KCNT2: variants seen among roughly 807,000 people sequenced by gnomAD.
KCNT2 encodes the protein potassium sodium-activated channel subfamily T member 2.
KCNT2 carries 67 observed loss-of-function variants against 153.8 expected under a neutral mutation model. The observed-to-expected ratio is 0.44, with a 90% confidence interval of 0.36 to 0.53. The LOEUF (loss-of-function observed/expected upper bound fraction) is 0.53. Among genes scored for constraint, KCNT2 ranks in the 20% least tolerant of loss-of-function variants. The probability of loss-of-function intolerance (pLI) is 0.00; values close to 1 mark genes in which losing one functional copy is unlikely to be tolerated. For missense variants in KCNT2, 975 were observed against 1,354.8 expected (o/e 0.72, Z 4.40); for synonymous variants, 500 against 458.8 (o/e 1.09, Z -1.15).
At chr1:196,543,277 A>G (rs1481101069) in intron 1 of KCNT2, among the ~76,000 whole-genome samples, 1 of 152,148 alleles carries the variant, frequency 6.6e-6, no homozygotes, top group African/African-American at 2.4e-5. Context: ...ATCTTAGAGA[A>G]TTAACATTTT....
chr1:196,585,898 C>A (rs1662621017), intron 1 of KCNT2, among the ~76,000 whole-genome samples: 1 of 152,048 alleles, frequency 6.6e-6, no homozygotes, highest in Non-Finnish European at 1.5e-5. Context: ...AGGCAATAAA[C>A]ATAAATGAAA....
intron 26 of KCNT2, among the ~76,000 whole-genome samples, chr1:196,243,199 A>G (rs1016341812): frequency 2.0e-5 from 3 of 152,142 alleles, no homozygotes; most frequent in Admixed American, 6.5e-5. Context: ...GCATGAATCT[A>G]CTTTGATACT....
At chr1:196,596,056 GTATATATATATATATATATATATATA>G (rs1174131733) in intron 1 of KCNT2, among the ~76,000 whole-genome samples, 7 of 4,346 alleles carry the variant, frequency 1.6e-3, no homozygotes, top group East Asian at 0.022. Context: ...TCCATGATGT[GTATATATATATATATATATATATATA>G]TATATATATA....
At chr1:196,586,124 C>A (rs955416996) in intron 1 of KCNT2, among the ~76,000 whole-genome samples, 1 of 151,832 alleles carries the variant, frequency 6.6e-6, no homozygotes, top group African/African-American at 2.4e-5. Flanking sequence ...ATTATCCAGG[C>A]GTAGTGGCAA....
intron 1 of KCNT2, among the ~76,000 whole-genome samples, chr1:196,525,204 T>C (rs1654009516): frequency 6.6e-6 from 1 of 152,092 alleles, no homozygotes; most frequent in South Asian, 2.1e-4. Context: ...TCACAGTTAT[T>C]TGTAGATTTA....
intron 1 of KCNT2, among the ~76,000 whole-genome samples, chr1:196,570,457 C>G (rs1558090442): frequency 6.6e-6 from 1 of 152,040 alleles, no homozygotes; most frequent in Non-Finnish European, 1.5e-5. Context: ...TTGTGGGAAC[C>G]TCATCCCAAC....
chr1:196,430,173 G>C (rs187407905), intron 8 of KCNT2, among the ~76,000 whole-genome samples: 1 of 151,742 alleles, frequency 6.6e-6, no homozygotes, highest in East Asian at 1.9e-4. Flanking sequence ...AGGAAGAAGA[G>C]AAAGACAGTA....
intron 1 of KCNT2, among the ~76,000 whole-genome samples, chr1:196,529,762 T>C (rs573028792): frequency 6.6e-6 from 1 of 152,212 alleles, no homozygotes; most frequent in East Asian, 1.9e-4. Flanking sequence ...TGTGCATTCA[T>C]TAATAGCAAA....
At chr1:196,301,588 G>T (rs1040389132) in intron 22 of KCNT2, among the ~76,000 whole-genome samples, 2 of 152,128 alleles carry the variant, frequency 1.3e-5, no homozygotes, top group South Asian at 4.2e-4. Flanking sequence ...AAGCTTAATC[G>T]TCACAAAAGT....
Position 196,517,539 on chromosome 1 carries a change from A to G in KCNT2, c.96-25198T>C, listed in dbSNP as rs183710357. Among the ~76,000 whole-genome samples the G allele has an allele frequency of 2.3e-3, 351 of 152,298 alleles. 1 individual carries two copies. Among genetic ancestry groups the G allele is most frequent in the Middle Eastern group, 0.01 (3 of 294 alleles). Reference sequence around the variant, plus strand: ...ACTAAGAATCAATAAAATGACAAGGAGGTGACAGATGAAATAGCCAGTGTA... The same window carrying G: ...ACTAAGAATCAATAAAATGACAAGGGGGTGACAGATGAAATAGCCAGTGTA... On this transcript the variant is annotated intron_variant, in intron 1 of 27. Transcript: ENST00000294725.
At chr1:196,561,675 A>AAAAAAAAAAAAAAAAAAAAAAC (rs1553254846) in intron 1 of KCNT2, among the ~76,000 whole-genome samples, 1 of 36,472 alleles carries the variant, frequency 2.7e-5, no homozygotes, top group Non-Finnish European at 1.1e-4. Flanking sequence ...AAAAAAAAAA[A>AAAAAAAAAAAAAAAAAAAAAAC]AAGAAGAAGA....
intron 1 of KCNT2, among the ~76,000 whole-genome samples, chr1:196,562,762 C>T (rs1659589892): frequency 6.6e-6 from 1 of 150,484 alleles, no homozygotes; most frequent in Non-Finnish European, 1.5e-5. Flanking sequence ...TATTTTAGCT[C>T]AATGTCTTTA....
rs1673899140 is a variant in KCNT2, at chr1:196,429,011, T to TTG, written c.819+565_819+566insCA. Among the ~76,000 whole-genome samples, 3 of 149,928 alleles carry TTG rather than the reference T, an allele frequency of 2.0e-5. No individual in the cohort carries two copies. In the East Asian group the frequency reaches 5.9e-4, roughly 29 times the overall value. ...ATATTTACATACCATGTTCAGACTTTTTTTTTTTTTTTTGTAGAGATGGGG... is the reference window on the plus strand; with the variant it reads ...ATATTTACATACCATGTTCAGACTTTTGTTTTTTTTTTTTTGTAGAGATGGGG... On this transcript the variant is annotated intron_variant, in intron 9 of 27. Coordinates refer to ENST00000294725, the MANE Select transcript of KCNT2 (RefSeq NM_198503.5).
At chr1:196,547,379 G>A (rs902219401) in intron 1 of KCNT2, among the ~76,000 whole-genome samples, 3 of 151,828 alleles carry the variant, frequency 2.0e-5, no homozygotes, top group African/African-American at 7.2e-5. Context: ...GAGGTGTGAG[G>A]CAGTGTGGAC....
intron 8 of KCNT2, among the ~76,000 whole-genome samples, chr1:196,457,966 C>T (rs878930119): frequency 2.6e-5 from 4 of 151,766 alleles, no homozygotes; most frequent in Admixed American, 1.3e-4. Context: ...GGAAGAGGAA[C>T]GTTTGAGTTA....
At chr1:196,334,090 A>T in intron 16 of KCNT2, 30 bp from the exon 17 acceptor site, 1 of 1,501,158 alleles carries the variant, frequency 6.7e-7, no homozygotes, top group African/African-American at 1.4e-5. Context: ...AAATTTATCA[A>T]GGCGTTTGCC....
chr1:196,348,355 G>A lies in KCNT2; in HGVS notation c.1404-6127C>T, dbSNP rs533532624. Among the ~76,000 whole-genome samples, 25 of 152,200 alleles carry A rather than the reference G, an allele frequency of 1.6e-4. No homozygotes were observed. The South Asian group carries it at 4.8e-3, about 29-fold the overall frequency. On this transcript the variant is annotated intron_variant, in intron 14 of 27. Coordinates refer to ENST00000294725, the MANE Select transcript of KCNT2 (RefSeq NM_198503.5). ...AAAAGCGTAGAGTGGGAAGCTCATC[G>A]AAAATTATGAAAAACCATTTAATAA...
chr1:196,281,498 C>T (rs1372497910), intron 24 of KCNT2, among the ~76,000 whole-genome samples: 1 of 152,034 alleles, frequency 6.6e-6, no homozygotes, highest in African/African-American at 2.4e-5. Flanking sequence ...CTTGTTCCAC[C>T]CAATGTTCCA....
chr1:196,238,614 A>G (rs1306277901), intron 26 of KCNT2, among the ~76,000 whole-genome samples: 3 of 151,924 alleles, frequency 2.0e-5, no homozygotes, highest in Non-Finnish European at 4.4e-5. Context: ...GTGCCTTCCT[A>G]TAGGGTACAT....
Sources: gnomAD v4.1 joint callset for allele counts (sites outside exome capture counted in the v4.1 genomes callset) on GRCh38, gnomAD v4.1.1 for gene constraint, MANE v1.5 for transcripts, NCBI Gene and HGNC (gene_info 2026-07-23, HGNC 2026-07-21) for gene names.